Variants in ZNF704 observed in about 807,000 individuals in gnomAD.
The protein encoded by ZNF704 is zinc finger protein 704.
Under a neutral mutation model 44.7 loss-of-function variants are expected in ZNF704, and 10 were observed. The observed-to-expected ratio is 0.22, with a 90% confidence interval of 0.14 to 0.38. The LOEUF (loss-of-function observed/expected upper bound fraction) is 0.38. Among genes scored for constraint, ZNF704 ranks in the 10% least tolerant of loss-of-function variants. ZNF704 has a pLI of 1.00. For missense variants in ZNF704, 390 were observed against 545.5 expected (o/e 0.71, Z 2.84); for synonymous variants, 211 against 207.6 (o/e 1.02, Z -0.14).
At chr8:80,697,983 C>T (rs932836819) in intron 2 of ZNF704, among the ~76,000 whole-genome samples, 1 of 152,172 alleles carries the variant, frequency 6.6e-6, no homozygotes, top group African/African-American at 2.4e-5. Flanking sequence ...AGTTTCCAGT[C>T]GGTGCTTTGG....
rs188155175 is a variant in ZNF704, at chr8:80,864,867, C to T, written c.-22+9704G>A. Among the ~76,000 whole-genome samples, 18 of 152,270 alleles carry T rather than the reference C, an allele frequency of 1.2e-4. No homozygotes were observed. In the East Asian group the frequency reaches 3.5e-3, roughly 29 times the overall value. Reference sequence around the variant, plus strand: ...TTCAATGTGTGTGGTAAGCCTCTTCCAACCTACCCTTTTGGATAACAGCCA... The same window carrying T: ...TTCAATGTGTGTGGTAAGCCTCTTCTAACCTACCCTTTTGGATAACAGCCA... On this transcript the variant is annotated intron_variant, in intron 1 of 8. Coordinates refer to ENST00000327835, the MANE Select transcript of ZNF704 (RefSeq NM_001033723.3).
intron 1 of ZNF704, among the ~76,000 whole-genome samples, chr8:80,854,876 T>C (rs975177720): frequency 1.3e-5 from 2 of 152,244 alleles, no homozygotes; most frequent in Non-Finnish European, 1.5e-5. Context: ...TTTTAAAGTT[T>C]TTAAATTTCT....
intron 2 of ZNF704, among the ~76,000 whole-genome samples, chr8:80,759,760 T>A (rs1807097274): frequency 6.6e-6 from 1 of 152,134 alleles, no homozygotes; most frequent in Admixed American, 6.6e-5. Flanking sequence ...TGGCTGACAC[T>A]GTATTTTATT....
chr8:80,790,460 C>T (rs971563975), intron 2 of ZNF704, among the ~76,000 whole-genome samples: 6 of 152,102 alleles, frequency 3.9e-5, no homozygotes, highest in Middle Eastern at 3.4e-3. Flanking sequence ...AGAAAGGTAC[C>T]GGAAATAAAA....
At chr8:80,684,873 A>G (rs1045482692) in intron 4 of ZNF704, among the ~76,000 whole-genome samples, 7 of 152,212 alleles carry the variant, frequency 4.6e-5, no homozygotes, top group Admixed American at 3.9e-4. Flanking sequence ...GAATAGCATC[A>G]GCCTCACCTT....
chr8:80,691,240 T>C (rs1339518549), intron 3 of ZNF704, among the ~76,000 whole-genome samples: 1 of 152,218 alleles, frequency 6.6e-6, no homozygotes, highest in Non-Finnish European at 1.5e-5. Flanking sequence ...CTTAATCTCA[T>C]CATTGACCAT....
At chr8:80,643,684 A>T (rs1485356300) in intron 7 of ZNF704, among the ~76,000 whole-genome samples, 2 of 152,134 alleles carry the variant, frequency 1.3e-5, no homozygotes, top group Admixed American at 6.6e-5. Flanking sequence ...TTTTTACTTC[A>T]TATCTATGCA....
chr8:80,715,795 C>A (rs892692155), intron 2 of ZNF704, among the ~76,000 whole-genome samples: 1 of 152,114 alleles, frequency 6.6e-6, no homozygotes, highest in Non-Finnish European at 1.5e-5. Context: ...ATTATTGAGT[C>A]TGGGCTGGGC....
intron 6 of ZNF704, among the ~76,000 whole-genome samples, chr8:80,663,366 C>CAAAA (rs113981733): frequency 1.0e-5 from 1 of 96,506 alleles, no homozygotes; most frequent in African/African-American, 3.2e-5. Flanking sequence ...GACCCTGTCT[C>CAAAA]AAAAAAAAAA....
rs535004434 is a variant in ZNF704, at chr8:80,805,771, T to C, written c.221+15603A>G. Among the ~76,000 whole-genome samples the C allele has an allele frequency of 1.1e-4, 17 of 152,334 alleles. No individual in the cohort carries two copies. The South Asian group carries it at 3.5e-3, about 32-fold the overall frequency. On this transcript the variant is annotated intron_variant, in intron 2 of 8. Transcript: ENST00000327835. ...AAAAGTGCCCTGTTATTTCCTAGCA[T>C]GGTCAGATTTACATGAAAATATGCC...
chr8:80,823,266 A>G (rs1017509829), intron 1 of ZNF704, among the ~76,000 whole-genome samples: 1 of 152,226 alleles, frequency 6.6e-6, no homozygotes, highest in Admixed American at 6.5e-5. Context: ...GCACACCAGG[A>G]GACTATATCC....
At chr8:80,806,041 G>A (rs1316680426) in intron 2 of ZNF704, among the ~76,000 whole-genome samples, 1 of 152,202 alleles carries the variant, frequency 6.6e-6, no homozygotes, top group East Asian at 1.9e-4. Context: ...GAAGCAGGTG[G>A]TGTGTTTCAT....
At position 80,636,608 on chromosome 8, in the gene ZNF704, AG is replaced by A. The variant is rs2131583561; in HGVS notation, c.*4757del. 1 of 152,372 alleles carries A rather than the reference AG, an allele frequency of 6.6e-6. No individual in the cohort carries two copies. Among genetic ancestry groups the A allele is most frequent in the East Asian group, 1.9e-4 (1 of 5,188 alleles). The allele number at this position is 152,372 out of a possible 1,614,324, so 9.4% of individuals were successfully genotyped here. On this transcript the variant is annotated 3_prime_UTR_variant, in exon 9 of 9. Coordinates refer to ENST00000327835, the MANE Select transcript of ZNF704 (RefSeq NM_001033723.3). Reference sequence around the variant, plus strand: ...AGGAATCCCCACAGGTATGAGGAACAGGAACAGTCCGTGCCGCTGGTAGGGC... The same window carrying A: ...AGGAATCCCCACAGGTATGAGGAACAGAACAGTCCGTGCCGCTGGTAGGGC...
chr8:80,703,949 T>C (rs553007680), intron 2 of ZNF704, among the ~76,000 whole-genome samples: 2 of 152,340 alleles, frequency 1.3e-5, no homozygotes, highest in South Asian at 4.1e-4. Context: ...TTGTTTCCTC[T>C]TGTGGAAGAC....
At chr8:80,740,925 T>C (rs982490213) in intron 2 of ZNF704, among the ~76,000 whole-genome samples, 8 of 152,250 alleles carry the variant, frequency 5.3e-5, no homozygotes, top group Admixed American at 4.6e-4. Flanking sequence ...CCTTGCTCCA[T>C]CAAGCCACCC....
At chr8:80,831,298 A>G (rs568444312) in intron 1 of ZNF704, among the ~76,000 whole-genome samples, 1 of 152,080 alleles carries the variant, frequency 6.6e-6, no homozygotes, top group Non-Finnish European at 1.5e-5. Context: ...GATGAGGGAC[A>G]TTTTTCTGAT....
At chr8:80,778,764 C>T (rs962263217) in intron 2 of ZNF704, among the ~76,000 whole-genome samples, 1 of 152,116 alleles carries the variant, frequency 6.6e-6, no homozygotes, top group African/African-American at 2.4e-5. Flanking sequence ...GAACAGAAAC[C>T]AAATGCCGCA....
At chr8:80,724,727 C>T (rs1278737029) in intron 2 of ZNF704, among the ~76,000 whole-genome samples, 6 of 152,072 alleles carry the variant, frequency 3.9e-5, no homozygotes, top group Admixed American at 3.3e-4. Context: ...CCCTAAAATC[C>T]TTCTCCATTC....
At chr8:80,855,110 C>T (rs1808936723) in intron 1 of ZNF704, among the ~76,000 whole-genome samples, 1 of 152,014 alleles carries the variant, frequency 6.6e-6, no homozygotes, top group Non-Finnish European at 1.5e-5. Flanking sequence ...CCAAAAGAAC[C>T]ACGCCTTTCT....
Sources: gnomAD v4.1 joint callset for allele counts (sites outside exome capture counted in the v4.1 genomes callset) on GRCh38, gnomAD v4.1.1 for gene constraint, MANE v1.5 for transcripts, NCBI Gene and HGNC (gene_info 2026-07-23, HGNC 2026-07-21) for gene names.